Variants in ZFAND3 observed in about 807,000 individuals in gnomAD.
ZFAND3 encodes zinc finger AN1-type containing 3.
A neutral mutation model predicts 29.6 loss-of-function variants in ZFAND3; 10 were observed. The ratio of observed to expected loss-of-function variants is 0.34; its 90% CI spans 0.21 to 0.57. ZFAND3 has a LOEUF of 0.57. ZFAND3 is among the 20% of genes least tolerant of loss of function. ZFAND3 has a pLI of 0.86. For synonymous variants in ZFAND3, 128 were observed against 112.6 expected (o/e 1.14, Z -0.87); for missense variants, 230 against 304.5 (o/e 0.76, Z 1.82).
At chr6:37,943,085 T>A (rs1439897712) in intron 2 of ZFAND3, among the ~76,000 whole-genome samples, 1 of 152,026 alleles carries the variant, frequency 6.6e-6, no homozygotes, top group African/African-American at 2.4e-5. Context: ...TGTAGGAGTA[T>A]CATGTTGAAA....
chr6:37,834,514 C>G (rs1763926758), intron 1 of ZFAND3, among the ~76,000 whole-genome samples: 1 of 152,032 alleles, frequency 6.6e-6, no homozygotes, highest in Admixed American at 6.6e-5. Flanking sequence ...GGTTACATAC[C>G]AAGGAACACA....
At chr6:37,923,746 A>G (rs1328088623) in intron 1 of ZFAND3, among the ~76,000 whole-genome samples, 1 of 152,210 alleles carries the variant, frequency 6.6e-6, no homozygotes, top group African/African-American at 2.4e-5. Flanking sequence ...TGGCTGCATA[A>G]TAATCTTATG....
intron 5 of ZFAND3, 48 bp from the exon 6 acceptor site, chr6:38,152,187 G>A (rs1212379317): frequency 6.2e-6 from 9 of 1,456,352 alleles, no homozygotes; most frequent in Non-Finnish European, 8.2e-6. Flanking sequence ...CTGCGCACTT[G>A]GAGGCCACCC....
intron 3 of ZFAND3, among the ~76,000 whole-genome samples, chr6:38,062,050 A>G (rs1764251771): frequency 6.6e-6 from 1 of 152,226 alleles, no homozygotes; most frequent in Non-Finnish European, 1.5e-5. Flanking sequence ...GGGGTTTTTA[A>G]AACAATTTTA....
intron 2 of ZFAND3, among the ~76,000 whole-genome samples, chr6:37,936,584 A>G (rs528380965): frequency 3.3e-5 from 5 of 152,356 alleles, no homozygotes; most frequent in Admixed American, 2.0e-4. Flanking sequence ...CTTTTAAGAA[A>G]TTTGCTATCA....
At chr6:38,045,139 T>C (rs1763876306) in intron 2 of ZFAND3, among the ~76,000 whole-genome samples, 1 of 151,278 alleles carries the variant, frequency 6.6e-6, no homozygotes, top group Non-Finnish European at 1.5e-5. Flanking sequence ...CAGACTGGAG[T>C]GTTAGTGGCG....
Position 38,021,722 on chromosome 6 carries a change from T to TA in ZFAND3, c.113-39867dup, listed in dbSNP as rs1184883468. Among the ~76,000 whole-genome samples, 5 of 152,268 alleles carry TA rather than the reference T, an allele frequency of 3.3e-5. 1 individual carries two copies. In the South Asian group the frequency reaches 1.0e-3, roughly 32 times the overall value. ...CACCCATTGCATGCATCATTGAAGG[T>TA]AAAATAGAGCAGGGCTGCTGTTATA... On this transcript the variant is annotated intron_variant, in intron 2 of 5. Transcript: ENST00000287218.
Position 38,152,527 on chromosome 6 carries a change from C to T in ZFAND3, c.*138C>T, listed in dbSNP as rs1458501060. ...CCGTTTCCTTTCTTTAGCCAGCCAT[C>T]CTGGTACTGTAGTTTAGGGGTTGAT... On this transcript the variant is annotated 3_prime_UTR_variant, in exon 6 of 6. Transcript: ENST00000287218. 7.3e-7 allele frequency: 1 copy of T among 1,368,540 alleles called. No individual in the cohort carries two copies. Among genetic ancestry groups the T allele is most frequent in the Non-Finnish European group, 9.4e-7 (1 of 1,061,374 alleles). 84.8% of individuals were successfully genotyped at this position (1,368,540 alleles called of 1,614,324 possible).
At chr6:38,027,002 G>A (rs995353015) in intron 2 of ZFAND3, among the ~76,000 whole-genome samples, 7 of 152,082 alleles carry the variant, frequency 4.6e-5, no homozygotes, top group Admixed American at 3.3e-4. Context: ...GGGGGAGGGC[G>A]GAACTAAGTA....
At chr6:37,826,505 G>T (rs951256414) in intron 1 of ZFAND3, among the ~76,000 whole-genome samples, 1 of 152,180 alleles carries the variant, frequency 6.6e-6, no homozygotes, top group Non-Finnish European at 1.5e-5. Flanking sequence ...TGTAAACCCA[G>T]CACTTTGCGA....
intron 5 of ZFAND3, among the ~76,000 whole-genome samples, chr6:38,142,657 C>G (rs1176440241): frequency 6.6e-6 from 1 of 152,162 alleles, no homozygotes; most frequent in Non-Finnish European, 1.5e-5. Flanking sequence ...AGTTTCGTAC[C>G]AGCACAGCAC....
At chr6:38,107,441 G>T (rs1440091686) in intron 4 of ZFAND3, among the ~76,000 whole-genome samples, 1 of 152,166 alleles carries the variant, frequency 6.6e-6, no homozygotes, top group Non-Finnish European at 1.5e-5. Context: ...CTTTACTTAC[G>T]CCAGTCCTCC....
intron 2 of ZFAND3, among the ~76,000 whole-genome samples, chr6:37,968,114 C>T (rs764743072): frequency 8.6e-5 from 13 of 152,034 alleles, no homozygotes; most frequent in Non-Finnish European, 1.6e-4. Flanking sequence ...AATTTGTATT[C>T]TGCAAGTGAT....
intron 1 of ZFAND3, among the ~76,000 whole-genome samples, chr6:37,821,546 T>C (rs1038479107): frequency 2.0e-5 from 3 of 151,924 alleles, no homozygotes; most frequent in Admixed American, 6.6e-5. Flanking sequence ...ACACAGGGAG[T>C]GTAGGGTGGA....
chr6:37,864,314 C>G, intron 1 of ZFAND3, among the ~76,000 whole-genome samples: 1 of 151,842 alleles, frequency 6.6e-6, no homozygotes, highest in East Asian at 1.9e-4. Context: ...AAATTTTCTG[C>G]TTTTGATTTA....
chr6:37,978,018 C>T (rs777031413), intron 2 of ZFAND3, among the ~76,000 whole-genome samples: 17 of 151,416 alleles, frequency 1.1e-4, no homozygotes, highest in Non-Finnish European at 2.1e-4. Flanking sequence ...CTGCAACTTC[C>T]GCCTCCTGAG....
chr6:37,929,330 G>A (rs983670205), intron 1 of ZFAND3, among the ~76,000 whole-genome samples: 2 of 152,170 alleles, frequency 1.3e-5, no homozygotes, highest in African/African-American at 4.8e-5. Flanking sequence ...ATAAGATAAT[G>A]TATGCGAAAT....
chr6:37,976,564 A>G (rs1412880897), intron 2 of ZFAND3, among the ~76,000 whole-genome samples: 1 of 148,020 alleles, frequency 6.8e-6, no homozygotes, highest in African/African-American at 2.5e-5. Context: ...AGCCTGTGTA[A>G]CAGAGTGAGA....
In ZFAND3 at chr6:38,082,020, T is replaced by C. The variant is rs186614709; in HGVS notation, c.296-372T>C. On this transcript the variant is annotated intron_variant, in intron 3 of 5. Transcript: ENST00000287218. Reference sequence around the variant, plus strand: ...GAAACCAACCTAAGAGAGAGTACTCTTGCTCATCGTTCTGTGGAAGATTGC... The same window carrying C: ...GAAACCAACCTAAGAGAGAGTACTCCTGCTCATCGTTCTGTGGAAGATTGC... Among the ~76,000 whole-genome samples the C allele has an allele frequency of 2.0e-5, 3 of 152,200 alleles. No homozygotes were observed. In the East Asian group the frequency reaches 5.8e-4, roughly 29 times the overall value.
Sources: allele counts gnomAD v4.1 joint callset (sites outside exome capture counted in the v4.1 genomes callset), GRCh38; gene constraint gnomAD v4.1.1; transcripts MANE v1.5; gene names NCBI Gene and HGNC (gene_info 2026-07-23, HGNC 2026-07-21).